THBS4: variants seen among roughly 807,000 people sequenced by gnomAD.
The protein encoded by THBS4 is thrombospondin 4, also known as thrombospondin-4.
Under a neutral mutation model 115.7 loss-of-function variants are expected in THBS4, and 90 were observed. The observed-to-expected ratio is 0.78, with a 90% CI of 0.66 to 0.93. THBS4 has a LOEUF of 0.93. Ranked by LOEUF, THBS4 falls within the 40% of genes least tolerant of loss-of-function variation. The pLI, the probability that THBS4 is intolerant of heterozygous loss-of-function variation, is 0.00. For synonymous variants in THBS4, 460 were observed against 479.3 expected, an observed-to-expected ratio of 0.96 and a Z score of 0.53; for missense variants, 1,087 against 1,232.7, an observed-to-expected ratio of 0.88 and a Z score of 1.77.
intron 16 of THBS4, 95 bp downstream of exon 16, chr5:80,077,143 A>AT: frequency 8.2e-7 from 1 of 1,215,118 alleles, no homozygotes; most frequent in Non-Finnish European, 1.1e-6. Flanking sequence ...AACTCAGAAT[A>AT]TCCCCAGCTC....
intron 2 of THBS4, among the ~76,000 whole-genome samples, chr5:80,020,521 T>TG (rs1469637093): frequency 6.6e-6 from 1 of 152,106 alleles, no homozygotes; most frequent in Non-Finnish European, 1.5e-5. Context: ...GTGAAATGTG[T>TG]GTCCATTAGA....
intron 13 of THBS4, 90 bp downstream of exon 13, chr5:80,071,270 C>T (rs573241192): frequency 1.7e-4 from 253 of 1,492,050 alleles, no homozygotes; most frequent in Middle Eastern, 9.9e-4. Context: ...ATGACTGATT[C>T]GGAGCCTTCC....
intron 2 of THBS4, among the ~76,000 whole-genome samples, chr5:80,049,044 G>A (rs1338128235): frequency 6.6e-6 from 1 of 152,006 alleles, no homozygotes; most frequent in East Asian, 1.9e-4. Flanking sequence ...TTTGCTGCCT[G>A]CAGGCCAGGC....
Position 80,070,678 on chromosome 5 carries a change from A to T in THBS4, c.1488A>T (p.Glu496Asp), listed in dbSNP as rs747641126. Residue 496 changes from glutamate to aspartate, a missense_variant, in exon 12 of 22, where the codon GAA (glutamate) becomes GAT (aspartate). Glu to Asp is a conservative substitution (Grantham distance 45, BLOSUM62 2). Coordinates refer to ENST00000350881, the MANE Select transcript of THBS4 (RefSeq NM_003248.6). ...NCKYVPNSGQ[E>D]DADRDGIGDA... is the part of the protein sequence containing the mutation. ...AATATGTGCCAAATTCTGGCCAAGA[A>T]GATGCAGACAGAGATGGCATTGGCG... 1.2e-6 allele frequency: 2 copies of T among 1,614,220 alleles called. No homozygotes were observed. The highest frequency in any genetic ancestry group is 1.1e-5 in the South Asian group (1 of 91,088).
intron 2 of THBS4, among the ~76,000 whole-genome samples, chr5:80,024,427 C>T (rs1199437589): frequency 1.3e-5 from 2 of 152,160 alleles, no homozygotes; most frequent in African/African-American, 2.4e-5. Context: ...TGTTACGCAC[C>T]ACCCTAGAGC....
intron 1 of THBS4, among the ~76,000 whole-genome samples, chr5:80,036,382 G>A (rs775503008): frequency 1.3e-5 from 2 of 152,140 alleles, no homozygotes; most frequent in African/African-American, 4.8e-5. Flanking sequence ...CCAAAAGTAG[G>A]GGGGAAGGTT....
chr5:80,057,295 G>A (rs1833464891), intron 3 of THBS4, among the ~76,000 whole-genome samples: 1 of 152,126 alleles, frequency 6.6e-6, no homozygotes, highest in Non-Finnish European at 1.5e-5. Context: ...TGTACTTACT[G>A]GAATTTTCTC....
chr5:80,068,187 C>T, intron 10 of THBS4, 62 bp downstream of exon 10: 3 of 1,588,700 alleles, frequency 1.9e-6, no homozygotes, highest in Admixed American at 1.7e-5. Flanking sequence ...CCACCTCTCT[C>T]CAGTTTCTAT....
chr5:80,001,965 A>G (rs1831907942), intron 2 of THBS4, among the ~76,000 whole-genome samples: 1 of 152,236 alleles, frequency 6.6e-6, no homozygotes, highest in African/African-American at 2.4e-5. Context: ...AAAGATGTAA[A>G]TAAGTTATAA....
chr5:80,058,597 G>C (rs905337988), intron 4 of THBS4, 111 bp from the exon 5 acceptor site: 3 of 935,760 alleles, frequency 3.2e-6, no homozygotes, highest in Admixed American at 4.2e-5. Flanking sequence ...AAAGATTCTG[G>C]GTTTTTGAAT....
Position 80,009,804 on chromosome 5 carries a change from C to T in THBS4, n.177+11377C>T, listed in dbSNP as rs150467535. On this transcript the variant is annotated intron_variant and non_coding_transcript_variant, in intron 2 of 3. Transcript: ENST00000510218. Reference sequence around the variant, plus strand: ...GAATCATTCTCACTAAATTTAGGGGCCAAGTGTCCTAGCTATATTGTTTTT... The same window carrying T: ...GAATCATTCTCACTAAATTTAGGGGTCAAGTGTCCTAGCTATATTGTTTTT... Among the ~76,000 whole-genome samples, 4 of 152,140 alleles carry T rather than the reference C, an allele frequency of 2.6e-5. No homozygotes were observed. In the East Asian group the frequency reaches 5.8e-4, roughly 22 times the overall value.
intron 14 of THBS4, 133 bp from the exon 15 acceptor site, chr5:80,073,142 T>G (rs1742982238): frequency 3.6e-6 from 3 of 823,348 alleles, no homozygotes; most frequent in Non-Finnish European, 4.0e-6. Flanking sequence ...GTTGTCCTTT[T>G]GCAGTTTTGC....
chr5:80,044,979 A>G (rs1833016942), intron 2 of THBS4, among the ~76,000 whole-genome samples: 1 of 152,152 alleles, frequency 6.6e-6, no homozygotes, highest in African/African-American at 2.4e-5. Flanking sequence ...CTGCATCACC[A>G]TGAATACATC....
chr5:80,032,412 T>C (rs569829172), upstream of THBS4, among the ~76,000 whole-genome samples: 1 of 152,272 alleles, frequency 6.6e-6, no homozygotes, highest in African/African-American at 2.4e-5. Context: ...CAGAGTTCTC[T>C]AGAGGGACAG....
intron 2 of THBS4, among the ~76,000 whole-genome samples, chr5:80,011,131 G>A (rs1457007561): frequency 6.6e-6 from 1 of 152,154 alleles, no homozygotes; most frequent in African/African-American, 2.4e-5. Context: ...AGTTTTAAAA[G>A]GGGGAATTTC....
rs531091682 is a variant in THBS4, at chr5:80,035,889, G to A, written c.88+264G>A. 191 of 763,246 alleles carry A rather than the reference G, an allele frequency of 2.5e-4. No homozygotes were observed. The highest frequency in any genetic ancestry group is 9.3e-4 in the Middle Eastern group (2 of 2,144). The allele number at this position is 763,246 out of a possible 1,614,324, so 47.3% of individuals were successfully genotyped here. ...TCAGACTATGCAAAGATGTGGGGTG[G>A]GGTTGCCTTCAAAACTTGCTACACG... On this transcript the variant is annotated intron_variant, in intron 1 of 21. Coordinates refer to ENST00000350881, the MANE Select transcript of THBS4 (RefSeq NM_003248.6). The surrounding 1 kb of genome is among the most constrained non-coding windows in gnomAD (Gnocchi z 4.6).
intron 2 of THBS4, among the ~76,000 whole-genome samples, chr5:80,040,800 G>C (rs550270320): frequency 3.9e-5 from 6 of 152,332 alleles, no homozygotes; most frequent in African/African-American, 1.4e-4. Flanking sequence ...CTGCAGGCTG[G>C]AAGTTCAAGG....
intron 2 of THBS4, among the ~76,000 whole-genome samples, chr5:80,014,211 C>A (rs920232848): frequency 1.3e-5 from 2 of 152,204 alleles, no homozygotes; most frequent in Non-Finnish European, 2.9e-5. Flanking sequence ...ACGTCTCAAA[C>A]TTTGCTTTAA....
At chr5:80,075,103 G>A (rs1475723350) in intron 15 of THBS4, 1 of 152,154 alleles carries the variant, frequency 6.6e-6, no homozygotes, top group Non-Finnish European at 1.5e-5. Context: ...CTAATACAAT[G>A]TAAATGCTAG....
Sources: gnomAD v4.1 joint callset for allele counts (sites outside exome capture counted in the v4.1 genomes callset) on GRCh38, gnomAD v4.1.1 for gene constraint, Gnocchi (gnomAD v3.1) non-coding constraint, MANE v1.5 for transcripts, NCBI Gene and HGNC (gene_info 2026-07-23, HGNC 2026-07-21) for gene names.